XRCC4: variants seen among roughly 807,000 people sequenced by gnomAD.
XRCC4 encodes the protein DNA repair protein XRCC4.
A neutral mutation model predicts 39.1 loss-of-function variants in XRCC4; 28 were observed. That is an observed-to-expected ratio of 0.72 (90% CI 0.53 to 0.98). The LOEUF is 0.98. Ranked by LOEUF, XRCC4 falls within the 50% of genes least tolerant of loss-of-function variation. The pLI is 0.00. For missense variants in XRCC4, 350 were observed against 376.4 expected (o/e 0.93, Z 0.58); for synonymous variants, 123 against 126.4 (o/e 0.97, Z 0.18).
chr5:83,093,077 C>G (rs908011994), intron 1 of XRCC4, among the ~76,000 whole-genome samples: 7 of 151,824 alleles, frequency 4.6e-5, no homozygotes, highest in African/African-American at 7.3e-5. Flanking sequence ...AAGGAACTCA[C>G]TGCACTTTTG....
chr5:83,226,063 G>A (rs1385320354), intron 6 of XRCC4, among the ~76,000 whole-genome samples: 1 of 151,856 alleles, frequency 6.6e-6, no homozygotes, highest in East Asian at 1.9e-4. Flanking sequence ...CCTCTTCTTT[G>A]TACCACTCCA....
chr5:83,366,713 T>C, the XRCC4 span, among the ~76,000 whole-genome samples: 4 of 152,318 alleles, frequency 2.6e-5, no homozygotes, highest in African/African-American at 4.8e-5. Context: ...TCAGCCACAC[T>C]CATGTCATTG....
Position 83,143,236 on chromosome 5 carries a change from C to T in XRCC4, c.315+32033C>T, listed in dbSNP as rs1395374747. 3.3e-5 allele frequency among the ~76,000 whole-genome samples: 5 copies of T among 152,066 alleles called. No individual in the cohort carries two copies. The East Asian group carries it at 9.6e-4, about 29-fold the overall frequency. On this transcript the variant is annotated intron_variant, in intron 3 of 7. Transcript: ENST00000396027. ...AGTTTTGTTATTATTGTATTTTAAT[C>T]TACCTTTATACTGAAAATACTTAGG...
intron 4 of XRCC4, among the ~76,000 whole-genome samples, chr5:83,196,782 G>T (rs903147215): frequency 7.3e-5 from 11 of 151,400 alleles, no homozygotes; most frequent in Non-Finnish European, 1.3e-4. Context: ...TAAATCTTTT[G>T]CTTAAATAAC....
chr5:83,296,581 A>T (rs1490984882), intron 7 of XRCC4, among the ~76,000 whole-genome samples: 1 of 152,076 alleles, frequency 6.6e-6, no homozygotes, highest in Non-Finnish European at 1.5e-5. Flanking sequence ...TGATAAAAAA[A>T]TTTATTTATT....
chr5:83,160,381 A>T (rs1305142129), intron 3 of XRCC4, among the ~76,000 whole-genome samples: 1 of 152,138 alleles, frequency 6.6e-6, no homozygotes, highest in African/African-American at 2.4e-5. Context: ...ATCTATTATT[A>T]ATTATAATTT....
chr5:83,115,202 C>A (rs189497099), intron 3 of XRCC4, among the ~76,000 whole-genome samples: 1 of 151,988 alleles, frequency 6.6e-6, no homozygotes, highest in South Asian at 2.1e-4. Flanking sequence ...CTGAGATGGG[C>A]GGATCACCTG....
chr5:83,337,835 CCTT>C (rs577300005), intron 7 of XRCC4, among the ~76,000 whole-genome samples: 274 of 152,192 alleles, frequency 1.8e-3, no homozygotes, highest in Middle Eastern at 0.01. Context: ...GAGATAAGGA[CCTT>C]CTTTCCTGGA....
intron 6 of XRCC4, among the ~76,000 whole-genome samples, chr5:83,212,761 C>T (rs190188607): frequency 2.6e-5 from 4 of 151,322 alleles, no homozygotes; most frequent in South Asian, 2.1e-4. Flanking sequence ...AACCCCGTCT[C>T]TATAAAAATT....
intron 7 of XRCC4, among the ~76,000 whole-genome samples, chr5:83,347,733 A>G (rs1046525028): frequency 2.6e-5 from 4 of 152,126 alleles, no homozygotes; most frequent in Non-Finnish European, 5.9e-5. Context: ...TGCATTGCCA[A>G]GAGTCCCCCA....
intron 3 of XRCC4, among the ~76,000 whole-genome samples, chr5:83,124,428 T>C (rs1358286135): frequency 6.6e-6 from 1 of 152,196 alleles, no homozygotes; most frequent in Non-Finnish European, 1.5e-5. Context: ...ATCCACCAAA[T>C]CGTTGAATGT....
intron 1 of XRCC4, among the ~76,000 whole-genome samples, chr5:83,078,801 G>T (rs1448417888): frequency 6.6e-6 from 1 of 152,176 alleles, no homozygotes. Flanking sequence ...TAAGGTTGGG[G>T]GAGAGGGGAA....
At chr5:83,181,082 C>T (rs758614096) in intron 3 of XRCC4, among the ~76,000 whole-genome samples, 8 of 137,948 alleles carry the variant, frequency 5.8e-5, no homozygotes, top group Admixed American at 1.4e-4. Flanking sequence ...TTCTATTTAT[C>T]GCGAAGGTTC....
intron 6 of XRCC4, among the ~76,000 whole-genome samples, chr5:83,252,049 A>G (rs1753341245): frequency 6.6e-6 from 1 of 152,210 alleles, no homozygotes; most frequent in South Asian, 2.1e-4. Flanking sequence ...CAAGATAGGT[A>G]ACTTTGAGAT....
At chr5:83,255,536 G>A (rs1753505484) in intron 6 of XRCC4, among the ~76,000 whole-genome samples, 2 of 152,100 alleles carry the variant, frequency 1.3e-5, no homozygotes, top group Admixed American at 1.3e-4. Context: ...TTTATTTGTG[G>A]TATAATAATG....
chr5:83,110,956 A>G, intron 2 of XRCC4, 72 bp from the exon 3 acceptor site: 1 of 1,389,558 alleles, frequency 7.2e-7, no homozygotes, highest in African/African-American at 1.5e-5. Flanking sequence ...TAGTACTAAC[A>G]GATAAACTAA....
intron 2 of XRCC4, among the ~76,000 whole-genome samples, chr5:83,105,941 T>G (rs567186089): frequency 6.6e-6 from 1 of 152,232 alleles, no homozygotes; most frequent in East Asian, 1.9e-4. Flanking sequence ...GTTTCTTTCT[T>G]GAGCGTTATG....
downstream of XRCC4, among the ~76,000 whole-genome samples, chr5:83,355,960 T>G (rs1379843346): frequency 6.6e-6 from 1 of 151,900 alleles, no homozygotes; most frequent in African/African-American, 2.4e-5. Flanking sequence ...AGAGAGAGAA[T>G]AAGAAAAAAA....
In XRCC4 at chr5:83,160,596, T is replaced by C. The variant is rs1230044888; in HGVS notation, c.316-35174T>C. On this transcript the variant is annotated intron_variant, in intron 3 of 7. Transcript: ENST00000396027. ...GGGATGATTGATAACCTTTTATTAA[T>C]ATCATTCTGTGAAGCTCTTAATTTA... 2.0e-5 allele frequency among the ~76,000 whole-genome samples: 3 copies of C among 152,194 alleles called. No homozygotes were observed. The East Asian group carries it at 5.8e-4, about 29-fold the overall frequency.
Sources: gnomAD v4.1 joint callset for allele counts (sites outside exome capture counted in the v4.1 genomes callset) on GRCh38, gnomAD v4.1.1 for gene constraint, MANE v1.5 for transcripts, NCBI Gene and HGNC (gene_info 2026-07-23, HGNC 2026-07-21) for gene names.